The following ST8SIA4 variants were observed in gnomAD, a reference collection of about 807,000 sequenced individuals.
ST8SIA4 encodes CMP-N-acetylneuraminate-poly-alpha-2,8-sialyltransferase.
A neutral mutation model predicts 33.9 loss-of-function variants in ST8SIA4; 15 were observed. That is an observed-to-expected ratio of 0.44 (90% CI 0.30 to 0.68). ST8SIA4 has a LOEUF of 0.68. ST8SIA4 is among the 30% of genes least tolerant of loss of function. ST8SIA4 has a pLI of 0.10. For synonymous variants in ST8SIA4, 171 were observed against 151.2 expected (o/e 1.13, Z -0.96); for missense variants, 321 against 428.0 (o/e 0.75, Z 2.21).
chr5:100,843,262 G>A (rs1443294926), intron 4 of ST8SIA4, among the ~76,000 whole-genome samples: 2 of 151,796 alleles, frequency 1.3e-5, no homozygotes, highest in African/African-American at 4.8e-5. Flanking sequence ...ATTAGAGAAT[G>A]GGAAAAGCAA....
chr5:100,866,578 T>TCAGA (rs1015922548), intron 3 of ST8SIA4, among the ~76,000 whole-genome samples: 16 of 146,406 alleles, frequency 1.1e-4, no homozygotes, highest in African/African-American at 4.0e-4. Context: ...CTTCTAAATT[T>TCAGA]CACACACACA....
chr5:100,871,413 C>A (rs888487593), intron 3 of ST8SIA4, among the ~76,000 whole-genome samples: 2 of 151,996 alleles, frequency 1.3e-5, no homozygotes, highest in African/African-American at 4.8e-5. Flanking sequence ...CCTTAGTTTT[C>A]TGAAGACATA....
At chr5:100,890,260 C>G (rs186538522) in intron 2 of ST8SIA4, among the ~76,000 whole-genome samples, 160 of 151,810 alleles carry the variant, frequency 1.1e-3, no homozygotes, top group African/African-American at 3.7e-3. Flanking sequence ...GAATTAAAAG[C>G]TTTGTGAATT....
At chr5:100,861,181 C>T (rs1163456429) in intron 3 of ST8SIA4, among the ~76,000 whole-genome samples, 1 of 149,060 alleles carries the variant, frequency 6.7e-6, no homozygotes, top group Non-Finnish European at 1.5e-5. Context: ...ACACAAAATA[C>T]ACACATACAC....
In ST8SIA4 at chr5:100,811,746, A is replaced by C. The variant is rs1360544222; in HGVS notation, c.*101T>G. The C allele has an allele frequency of 2.7e-5, 32 of 1,203,312 alleles. No homozygotes were observed. Among genetic ancestry groups the C allele is most frequent in the Non-Finnish European group, 3.6e-5 (31 of 867,898 alleles). The allele number at this position is 1,203,312 out of a possible 1,614,324, so 74.5% of individuals were successfully genotyped here. ...ACGTCCTTTATTCACCTTTCAGTTC[A>C]TTGGTGGATGCTGAAACCCAGCCGT... On this transcript the variant is annotated 3_prime_UTR_variant, in exon 5 of 5. Transcript: ENST00000231461.
At chr5:100,848,771 A>G (rs1458431655) in intron 4 of ST8SIA4, among the ~76,000 whole-genome samples, 4 of 150,892 alleles carry the variant, frequency 2.7e-5, no homozygotes, top group African/African-American at 9.7e-5. Context: ...TTTTAAAAAA[A>G]TTAATAATTG....
Position 100,886,615 on chromosome 5 carries a change from C to T in ST8SIA4, c.246-15G>A. ...GTATGTTCTTCCTGTATTTGAAATACAAGCAAAGTTTTACATTACCATCAG... is the reference window on the plus strand; with the variant it reads ...GTATGTTCTTCCTGTATTTGAAATATAAGCAAAGTTTTACATTACCATCAG... On this transcript the variant is annotated splice_polypyrimidine_tract_variant and intron_variant, in intron 2 of 4. Coordinates refer to ENST00000231461, the MANE Select transcript of ST8SIA4 (RefSeq NM_005668.6). The T allele has an allele frequency of 6.2e-7, 1 of 1,603,602 alleles. No homozygotes were observed. Among genetic ancestry groups the T allele is most frequent in the Non-Finnish European group, 8.5e-7 (1 of 1,171,074 alleles).
At position 100,809,730 on chromosome 5, in the gene ST8SIA4, C is replaced by G. The variant is rs1452654438; in HGVS notation, c.*2117G>C. On this transcript the variant is annotated 3_prime_UTR_variant, in exon 5 of 5. Coordinates refer to ENST00000231461, the MANE Select transcript of ST8SIA4 (RefSeq NM_005668.6). ...TTTACATTCAAAACATGTATCTATT[C>G]TCTTACAATTTCTGATAGATAAGAG... 6.6e-6 allele frequency: 1 copy of G among 152,102 alleles called. No individual in the cohort carries two copies. Among genetic ancestry groups the G allele is most frequent in the Non-Finnish European group, 1.5e-5 (1 of 68,018 alleles). The allele number at this position is 152,102 out of a possible 1,614,324, so 9.4% of individuals were successfully genotyped here.
intron 4 of ST8SIA4, among the ~76,000 whole-genome samples, chr5:100,813,104 G>C (rs1288980636): frequency 6.6e-6 from 1 of 151,946 alleles, no homozygotes; most frequent in Admixed American, 6.6e-5. Flanking sequence ...GTTAGATCCT[G>C]TTTGTTGCTG....
At chr5:100,867,494 C>CCCATGATAGAAAA (rs1382800612) in intron 3 of ST8SIA4, among the ~76,000 whole-genome samples, 11 of 151,930 alleles carry the variant, frequency 7.2e-5, no homozygotes, top group African/African-American at 2.7e-4. Flanking sequence ...ACTGTAATCA[C>CCCATGATAGAAAA]CCATGATAGA....
At chr5:100,863,241 TGATTCTGA>T (rs1751986207) in intron 3 of ST8SIA4, among the ~76,000 whole-genome samples, 1 of 152,122 alleles carries the variant, frequency 6.6e-6, no homozygotes, top group South Asian at 2.1e-4. Flanking sequence ...AATAAAAGGT[TGATTCTGA>T]GATTTCCTAT....
At position 100,820,399 on chromosome 5, in the gene ST8SIA4, T is replaced by A. The variant is rs532427769; in HGVS notation, c.798-8270A>T. Among the ~76,000 whole-genome samples, 4 of 152,308 alleles carry A rather than the reference T, an allele frequency of 2.6e-5. No individual in the cohort carries two copies. In the East Asian group the frequency reaches 7.7e-4, roughly 29 times the overall value. ...TATAATTTCCACTTTCCTGTAACAC[T>A]TGTAACTAGGGGTCATATAATCTTT... On this transcript the variant is annotated intron_variant, in intron 4 of 4. Coordinates refer to ENST00000231461, the MANE Select transcript of ST8SIA4 (RefSeq NM_005668.6).
chr5:100,848,687 C>CAT (rs1751620692), intron 4 of ST8SIA4, among the ~76,000 whole-genome samples: 1 of 149,850 alleles, frequency 6.7e-6, no homozygotes, highest in Non-Finnish European at 1.5e-5. Context: ...TTTTATTTTT[C>CAT]ATATATATAA....
At chr5:100,823,544 A>G (rs1335845146) in intron 4 of ST8SIA4, among the ~76,000 whole-genome samples, 1 of 152,084 alleles carries the variant, frequency 6.6e-6, no homozygotes, top group African/African-American at 2.4e-5. Context: ...ATAACACTCA[A>G]CTCAACCAAC....
chr5:100,853,312 C>T (rs1751743601), intron 4 of ST8SIA4, among the ~76,000 whole-genome samples: 1 of 152,150 alleles, frequency 6.6e-6, no homozygotes, highest in Non-Finnish European at 1.5e-5. Flanking sequence ...AATGAAGTTG[C>T]CTTTCACACG....
intron 4 of ST8SIA4, among the ~76,000 whole-genome samples, chr5:100,842,887 A>G (rs1260883962): frequency 6.6e-6 from 1 of 151,912 alleles, no homozygotes; most frequent in East Asian, 1.9e-4. Context: ...TGATACATTC[A>G]GTCACATGAT....
chr5:100,823,454 G>A (rs966997658), intron 4 of ST8SIA4, among the ~76,000 whole-genome samples: 10 of 152,118 alleles, frequency 6.6e-5, no homozygotes, highest in Non-Finnish European at 1.2e-4. Flanking sequence ...CGGACTTGCC[G>A]TGAATTCTTT....
chr5:100,879,788 G>A (rs889750740), intron 3 of ST8SIA4, among the ~76,000 whole-genome samples: 1 of 152,130 alleles, frequency 6.6e-6, no homozygotes. Context: ...GGGCTAAAAG[G>A]CAAACAACAG....
chr5:100,852,260 T>G (rs576640155), intron 4 of ST8SIA4, among the ~76,000 whole-genome samples: 6 of 151,778 alleles, frequency 4.0e-5, no homozygotes, highest in Non-Finnish European at 8.8e-5. Context: ...TAGCGGGGAC[T>G]ACAGGTGTGT....
Sources: allele counts gnomAD v4.1 joint callset (sites outside exome capture counted in the v4.1 genomes callset), GRCh38; gene constraint gnomAD v4.1.1; transcripts MANE v1.5; gene names NCBI Gene and HGNC (gene_info 2026-07-23, HGNC 2026-07-21).